The following PXDNL variants were observed in gnomAD, a reference collection of about 807,000 sequenced individuals.
The protein encoded by PXDNL is probable oxidoreductase PXDNL.
In PXDNL, 145 loss-of-function variants were observed where a neutral mutation model predicts 150.8. That is an observed-to-expected ratio of 0.96 (90% CI 0.84 to 1.10). The LOEUF is 1.10. Ranked by LOEUF, PXDNL falls within the 50% of genes least tolerant of loss-of-function variation. PXDNL has a pLI of 0.00. For missense variants in PXDNL, 2,087 were observed against 1,873.9 expected (o/e 1.11, Z -2.10); for synonymous variants, 757 against 725.7 (o/e 1.04, Z -0.69).
intron 2 of PXDNL, among the ~76,000 whole-genome samples, chr8:51,633,775 T>G (rs1362047904): frequency 6.6e-6 from 1 of 152,218 alleles, no homozygotes; most frequent in Non-Finnish European, 1.5e-5. Context: ...GCCGCTTGTA[T>G]GTCTTTCTTT....
chr8:51,628,085 G>A (rs560374393), intron 2 of PXDNL, among the ~76,000 whole-genome samples: 3 of 152,208 alleles, frequency 2.0e-5, no homozygotes, highest in East Asian at 3.9e-4. Context: ...GGGTTTCTTC[G>A]GAAAATTAGG....
rs1234027200 is a variant in PXDNL, at chr8:51,409,197, A to C, written c.2427T>G (p.Phe809Leu). 1 of 1,589,636 alleles carries C rather than the reference A, an allele frequency of 6.3e-7. No individual in the cohort carries two copies. The highest frequency in any genetic ancestry group is 1.3e-5 in the African/African-American group (1 of 74,422). The change falls in exon 17 of 23, where the codon TTT becomes TTG. Residue 809 changes from phenylalanine (F) to leucine (L), a missense_variant. Phe to Leu is a conservative substitution (Grantham distance 22, BLOSUM62 0). Coordinates refer to ENST00000356297, the MANE Select transcript of PXDNL (RefSeq NM_144651.5). ...CTGTGTGGTCCAAGTCGTGCTCTAGAAACCAGCCCCAGTGCATGAGCATGC... is the reference window on the plus strand; with the variant it reads ...CTGTGTGGTCCAAGTCGTGCTCTAGCAACCAGCCCCAGTGCATGAGCATGC... The part of the protein sequence containing the change: ...YTRMLMHWGW[F>L]LEHDLDHTVP...
At chr8:51,579,004 T>C (rs1813149450) in intron 3 of PXDNL, among the ~76,000 whole-genome samples, 1 of 151,848 alleles carries the variant, frequency 6.6e-6, no homozygotes, top group Non-Finnish European at 1.5e-5. Context: ...TATAAATCTT[T>C]TAAGAAAAAA....
intron 4 of PXDNL, among the ~76,000 whole-genome samples, chr8:51,517,086 T>C (rs965154835): frequency 2.0e-5 from 3 of 152,200 alleles, no homozygotes; most frequent in African/African-American, 7.2e-5. Context: ...TTCAATTCAT[T>C]GTAACCTTTC....
chr8:51,709,183 A>G (rs904760294), intron 1 of PXDNL, among the ~76,000 whole-genome samples: 1 of 152,220 alleles, frequency 6.6e-6, no homozygotes, highest in African/African-American at 2.4e-5. Context: ...AAATTTCATT[A>G]CTAATGTCAG....
At chr8:51,780,937 G>C (rs1436018518) in intron 1 of PXDNL, among the ~76,000 whole-genome samples, 2 of 149,810 alleles carry the variant, frequency 1.3e-5, no homozygotes, top group African/African-American at 4.9e-5. Context: ...TGGGATTACA[G>C]GTGTGAACCA....
intron 4 of PXDNL, among the ~76,000 whole-genome samples, chr8:51,509,757 CA>C: frequency 6.7e-6 from 1 of 149,282 alleles, no homozygotes; most frequent in African/African-American, 2.5e-5. Context: ...CACACACACA[CA>C]CACACACACA....
chr8:51,794,431 T>C (rs1407224754), intron 1 of PXDNL, among the ~76,000 whole-genome samples: 1 of 152,164 alleles, frequency 6.6e-6, no homozygotes, highest in Non-Finnish European at 1.5e-5. Context: ...CCAGGTCCCC[T>C]ATGAAGGGAA....
At chr8:51,486,768 ATATATATATATATATATATATATATATTT>A (rs1810751480) in intron 5 of PXDNL, among the ~76,000 whole-genome samples, 3 of 8,216 alleles carry the variant, frequency 3.7e-4, no homozygotes, top group South Asian at 6.6e-3. Flanking sequence ...ATATATATAT[ATATATATATATATATATATATATATATTT>A]TTTTTTTTTT....
chr8:51,433,219 A>AATAATG (rs1327261310), intron 12 of PXDNL, among the ~76,000 whole-genome samples: 2 of 92,176 alleles, frequency 2.2e-5, no homozygotes, highest in Non-Finnish European at 4.1e-5. Flanking sequence ...AAATAATAAT[A>AATAATG]ATAATAATAA....
intron 2 of PXDNL, among the ~76,000 whole-genome samples, chr8:51,637,448 C>T (rs1356990769): frequency 6.6e-6 from 1 of 152,100 alleles, no homozygotes; most frequent in Non-Finnish European, 1.5e-5. Context: ...AGCCAAAAAC[C>T]TTGAAAAAAG....
At position 51,428,952 on chromosome 8, in the gene PXDNL, A is replaced by T. The variant is rs186119497; in HGVS notation, c.1526-2194T>A. Among the ~76,000 whole-genome samples, 162 of 152,368 alleles carry T rather than the reference A, an allele frequency of 1.1e-3. 1 individual carries two copies. The highest frequency in any genetic ancestry group is 3.6e-3 in the African/African-American group (149 of 41,594). ...TTGCAAACCACATATGCAGAAAGGA[A>T]TAGTGTCTAAAATATATAAAGAACC... On this transcript the variant is annotated intron_variant, in intron 12 of 22. Coordinates refer to ENST00000356297, the MANE Select transcript of PXDNL (RefSeq NM_144651.5).
intron 4 of PXDNL, among the ~76,000 whole-genome samples, chr8:51,517,160 G>T (rs943241372): frequency 6.6e-6 from 1 of 151,938 alleles, no homozygotes; most frequent in African/African-American, 2.4e-5. Context: ...AAAAAATCTA[G>T]ATTTTTTAGA....
At chr8:51,375,208 G>A (rs1287808391) in intron 17 of PXDNL, among the ~76,000 whole-genome samples, 1 of 152,206 alleles carries the variant, frequency 6.6e-6, no homozygotes, top group African/African-American at 2.4e-5. Context: ...AAGATAAAAA[G>A]TGTTAGGTAA....
chr8:51,392,652 G>C (rs1478036935), intron 17 of PXDNL, among the ~76,000 whole-genome samples: 1 of 152,074 alleles, frequency 6.6e-6, no homozygotes, highest in Admixed American at 6.5e-5. Context: ...GAGACAATGG[G>C]GTTTTCTAGA....
Position 51,319,990 on chromosome 8 carries a change from A to C in PXDNL, c.4293T>G (p.Cys1431Trp). 5.1e-6 allele frequency: 8 copies of C among 1,569,700 alleles called. No individual in the cohort carries two copies. Among genetic ancestry groups the C allele is most frequent in the Non-Finnish European group, 6.9e-6 (8 of 1,158,548 alleles). ...SGQVTCVVEI[C>W]PPAPCPSPEL... ...CAGGACTGGGACAGGGAGCCGGGGG[A>C]CAAATCTCCACCACACAGGTGACCT... is the stretch of plus-strand genomic sequence containing the variant. The change falls in exon 23 of 23, where the codon TGT (cysteine) becomes TGG (tryptophan). Residue 1431 changes from cysteine (C) to tryptophan (W), a missense_variant. Transcript: ENST00000356297.
At chr8:51,562,491 T>C (rs1286376753) in intron 3 of PXDNL, among the ~76,000 whole-genome samples, 3 of 151,962 alleles carry the variant, frequency 2.0e-5, no homozygotes, top group Admixed American at 1.3e-4. Flanking sequence ...AGCTATTATA[T>C]AGGTTTGACA....
chr8:51,799,453 ATAAT>A (rs944517924), intron 1 of PXDNL, among the ~76,000 whole-genome samples: 19 of 152,240 alleles, frequency 1.2e-4, no homozygotes, highest in Admixed American at 2.6e-4. Context: ...AGTAAATAAA[ATAAT>A]TATTACTATA....
At chr8:51,541,210 A>T (rs953235540) in intron 4 of PXDNL, among the ~76,000 whole-genome samples, 1 of 147,166 alleles carries the variant, frequency 6.8e-6, no homozygotes, top group Non-Finnish European at 1.5e-5. Flanking sequence ...GTGAGCCAAG[A>T]TGGCACCGCT....
Sources: allele counts gnomAD v4.1 joint callset (sites outside exome capture counted in the v4.1 genomes callset), GRCh38; gene constraint gnomAD v4.1.1; transcripts MANE v1.5; gene names NCBI Gene and HGNC (gene_info 2026-07-23, HGNC 2026-07-21).